Variants in CDH12 observed in about 807,000 individuals in gnomAD.
CDH12 encodes cadherin-12.
In CDH12, 41 loss-of-function variants were observed where a neutral mutation model predicts 74.1. The ratio of observed to expected loss-of-function variants is 0.55; its 90% confidence interval spans 0.43 to 0.72. The LOEUF is 0.72. Among genes scored for constraint, CDH12 ranks in the 30% least tolerant of loss-of-function variants. The probability of loss-of-function intolerance (pLI) is 0.00; values close to 1 mark genes in which losing one functional copy is unlikely to be tolerated. For synonymous variants in CDH12, 399 were observed against 355.0 expected (o/e 1.12, Z -1.39); for missense variants, 945 against 977.2 (o/e 0.97, Z 0.44).
chr5:22,575,161 C>T (rs1214729991), intron 1 of CDH12, among the ~76,000 whole-genome samples: 3 of 152,100 alleles, frequency 2.0e-5, no homozygotes, highest in South Asian at 2.1e-4. Context: ...AAATAGATCC[C>T]TCACCCAGTG....
In CDH12 at chr5:22,543,075, C is replaced by A. The variant is rs111733816; in HGVS notation, c.-522-37711G>T. 3.4e-3 allele frequency among the ~76,000 whole-genome samples: 511 copies of A among 152,168 alleles called. 4 individuals carry two copies. The highest frequency in any genetic ancestry group is 9.9e-3 in the African/African-American group (413 of 41,542). ...CAGAGTCATGAGAATTATGTTCATT[C>A]TTATTCTCTATTCTAGTTTACTGCA... On this transcript the variant is annotated intron_variant, in intron 1 of 14. Transcript: ENST00000382254.
intron 1 of CDH12, among the ~76,000 whole-genome samples, chr5:22,678,728 GAAC>G (rs1198292685): frequency 1.3e-5 from 2 of 151,958 alleles, no homozygotes; most frequent in Non-Finnish European, 2.9e-5. Context: ...AAGAAGGAAA[GAAC>G]AACAAAAATT....
chr5:22,245,702 A>G (rs984192204), intron 3 of CDH12, among the ~76,000 whole-genome samples: 1 of 151,974 alleles, frequency 6.6e-6, no homozygotes, highest in Admixed American at 6.6e-5. Context: ...ATACATATAT[A>G]TATAATCTGA....
intron 3 of CDH12, among the ~76,000 whole-genome samples, chr5:22,249,886 T>C (rs888803632): frequency 6.6e-6 from 1 of 152,052 alleles, no homozygotes; most frequent in African/African-American, 2.4e-5. Flanking sequence ...TTTGTGTTAA[T>C]CAAACATGTG....
At chr5:22,474,772 TG>T (rs2126611597) in intron 2 of CDH12, among the ~76,000 whole-genome samples, 1 of 152,262 alleles carries the variant, frequency 6.6e-6, no homozygotes. Context: ...TTTCAATTTT[TG>T]TTTTGTTTAC....
chr5:22,475,712 A>G (rs1480061024), intron 2 of CDH12, among the ~76,000 whole-genome samples: 3 of 152,126 alleles, frequency 2.0e-5, no homozygotes, highest in Admixed American at 6.5e-5. Context: ...TTCTTCCAAA[A>G]CTAAGAAATT....
rs35636015 is a variant in CDH12, at chr5:22,287,722, C to CA, written c.-332-75080dup. ...TGGGCTAAAAAGCGGGACTCCGTCT[C>CA]AAAAAAAAAAAAAAAAAAATGTATA... On this transcript the variant is annotated intron_variant, in intron 3 of 14. Coordinates refer to ENST00000382254, the MANE Select transcript of CDH12 (RefSeq NM_004061.5). Among the ~76,000 whole-genome samples the CA allele has an allele frequency of 4.6e-3, 579 of 126,798 alleles. 9 individuals carry two copies. Among genetic ancestry groups the CA allele is most frequent in the African/African-American group, 0.015 (522 of 34,058 alleles). The allele number at this position is 126,798 out of a possible 152,430, so 83.2% of individuals were successfully genotyped here.
At chr5:22,103,799 C>A (rs1242880866) in intron 4 of CDH12, among the ~76,000 whole-genome samples, 2 of 152,140 alleles carry the variant, frequency 1.3e-5, no homozygotes, top group Non-Finnish European at 2.9e-5. Context: ...TTTCATTTAA[C>A]ATGATTTTGT....
intron 3 of CDH12, among the ~76,000 whole-genome samples, chr5:22,318,283 A>G (rs181510913): frequency 2.3e-4 from 35 of 152,310 alleles, no homozygotes; most frequent in African/African-American, 8.4e-4. Flanking sequence ...CATGGCACCA[A>G]TAAACCTGGC....
At chr5:21,861,730 G>A (rs995388720) in intron 6 of CDH12, among the ~76,000 whole-genome samples, 1 of 152,014 alleles carries the variant, frequency 6.6e-6, no homozygotes, top group Non-Finnish European at 1.5e-5. Context: ...AAAGCATATA[G>A]ATTCAACATA....
intron 5 of CDH12, among the ~76,000 whole-genome samples, chr5:21,979,513 T>C (rs916625309): frequency 4.1e-4 from 62 of 152,340 alleles, no homozygotes; most frequent in African/African-American, 1.4e-3. Context: ...TTGAGAAAGC[T>C]AATCTAAAGT....
At chr5:21,957,763 GTTGT>G (rs1447628714) in intron 6 of CDH12, among the ~76,000 whole-genome samples, 1 of 152,018 alleles carries the variant, frequency 6.6e-6, no homozygotes, top group Non-Finnish European at 1.5e-5. Flanking sequence ...TTTTAATGGG[GTTGT>G]TTTTCTCTTG....
chr5:21,867,677 T>C (rs2150014935), intron 6 of CDH12, among the ~76,000 whole-genome samples: 1 of 152,364 alleles, frequency 6.6e-6, no homozygotes, highest in South Asian at 2.1e-4. Context: ...CCATTGTATC[T>C]AGGAAGTAAC....
At chr5:21,890,887 C>T (rs1411436907) in intron 6 of CDH12, among the ~76,000 whole-genome samples, 3 of 152,034 alleles carry the variant, frequency 2.0e-5, no homozygotes, top group Non-Finnish European at 4.4e-5. Flanking sequence ...TTTAAAGAAA[C>T]TTGTCAAAAC....
chr5:22,252,941 A>T (rs545856043), intron 3 of CDH12, among the ~76,000 whole-genome samples: 34 of 152,014 alleles, frequency 2.2e-4, no homozygotes, highest in African/African-American at 8.2e-4. Context: ...TGTTGGTGTC[A>T]TTACTGATTA....
intron 5 of CDH12, among the ~76,000 whole-genome samples, chr5:22,052,681 T>C (rs1740458426): frequency 6.6e-6 from 1 of 152,166 alleles, no homozygotes; most frequent in South Asian, 2.1e-4. Context: ...GGTATAGGCA[T>C]TGGTTGTTTT....
intron 1 of CDH12, among the ~76,000 whole-genome samples, chr5:22,535,494 T>C (rs1737805663): frequency 6.6e-6 from 1 of 152,198 alleles, no homozygotes; most frequent in Admixed American, 6.5e-5. Flanking sequence ...TTGATGCTTT[T>C]AGAAAAACAG....
intron 4 of CDH12, among the ~76,000 whole-genome samples, chr5:22,155,906 T>C (rs1747993780): frequency 6.6e-6 from 1 of 152,018 alleles, no homozygotes; most frequent in Non-Finnish European, 1.5e-5. Flanking sequence ...TCAGAGCTTT[T>C]AATCTAATAA....
At chr5:21,904,482 T>C (rs1196379181) in intron 6 of CDH12, among the ~76,000 whole-genome samples, 2 of 152,076 alleles carry the variant, frequency 1.3e-5, no homozygotes, top group African/African-American at 4.8e-5. Context: ...GACTATAAAA[T>C]TGGGCTGGCG....
Sources: allele counts gnomAD v4.1 joint callset (sites outside exome capture counted in the v4.1 genomes callset), GRCh38; gene constraint gnomAD v4.1.1; transcripts MANE v1.5; gene names NCBI Gene and HGNC (gene_info 2026-07-23, HGNC 2026-07-21).